NCKAP5: variants seen among roughly 807,000 people sequenced by gnomAD.
NCKAP5 encodes NCK associated protein 5.
In NCKAP5, 92 loss-of-function variants were observed where a neutral mutation model predicts 167.0. The observed-to-expected ratio is 0.55, with a 90% CI of 0.47 to 0.66. The LOEUF (loss-of-function observed/expected upper bound fraction) is 0.66. NCKAP5 is among the 30% of genes least tolerant of loss of function. NCKAP5 has a pLI of 0.00. For missense variants in NCKAP5, 2,378 were observed against 2,315.0 expected (o/e 1.03, Z -0.56); for synonymous variants, 891 against 877.4 (o/e 1.02, Z -0.27).
chr2:133,404,706 T>C (rs1688315046), intron 3 of NCKAP5, among the ~76,000 whole-genome samples: 1 of 152,244 alleles, frequency 6.6e-6, no homozygotes, highest in South Asian at 2.1e-4. Context: ...TTGTGTTATA[T>C]CAGGGAAAAT....
intron 6 of NCKAP5, among the ~76,000 whole-genome samples, chr2:133,026,278 C>A (rs1457569559): frequency 1.3e-5 from 2 of 151,786 alleles, no homozygotes; most frequent in African/African-American, 4.8e-5. Flanking sequence ...CAAAAATTTT[C>A]TCCCATTCTG....
intron 7 of NCKAP5, among the ~76,000 whole-genome samples, chr2:132,970,683 T>A (rs10451527): frequency 0.3 from 46,316 of 152,070 alleles, 7,164 homozygotes; most frequent in African/African-American, 0.35. Context: ...TTTCCCTAAG[T>A]GGTATCTAGG....
intron 16 of NCKAP5, among the ~76,000 whole-genome samples, chr2:132,743,890 T>C (rs1679420047): frequency 6.6e-6 from 1 of 151,300 alleles, no homozygotes; most frequent in Non-Finnish European, 1.5e-5. Flanking sequence ...AAAGCTAGAG[T>C]CACTATGCTA....
At chr2:133,661,152 G>T in the NCKAP5 span, among the ~76,000 whole-genome samples, 1 of 152,096 alleles carries the variant, frequency 6.6e-6, no homozygotes. Context: ...AAATGACGAG[G>T]ATTGATGAGG....
chr2:133,302,804 T>A (rs28708750), intron 4 of NCKAP5, among the ~76,000 whole-genome samples: 17,978 of 149,242 alleles, frequency 0.12, 1,111 homozygotes, highest in South Asian at 0.14. Context: ...ATAAAAAAAA[T>A]AAATAAATAA....
intron 3 of NCKAP5, among the ~76,000 whole-genome samples, chr2:133,478,854 C>T (rs1279418679): frequency 6.6e-6 from 1 of 151,862 alleles, no homozygotes; most frequent in Non-Finnish European, 1.5e-5. Context: ...ATGCTGGGGA[C>T]AGTGACAAAA....
chr2:132,821,773 A>G (rs1261052482), intron 11 of NCKAP5, among the ~76,000 whole-genome samples: 1 of 152,080 alleles, frequency 6.6e-6, no homozygotes, highest in East Asian at 1.9e-4. Context: ...GGTGAACTAT[A>G]TAACACAGCA....
At chr2:133,666,427 A>G in the NCKAP5 span, among the ~76,000 whole-genome samples, 1 of 151,508 alleles carries the variant, frequency 6.6e-6, no homozygotes, top group Non-Finnish European at 1.5e-5. Flanking sequence ...CAAACTCCTG[A>G]CCTCAGGTGA....
At chr2:133,350,636 C>A (rs1684297630) in intron 3 of NCKAP5, among the ~76,000 whole-genome samples, 2 of 152,036 alleles carry the variant, frequency 1.3e-5, no homozygotes, top group African/African-American at 4.8e-5. Context: ...ATGTCAGCAC[C>A]CTCAAAATTG....
At chr2:133,375,039 G>A (rs1435761377) in intron 3 of NCKAP5, among the ~76,000 whole-genome samples, 1 of 152,128 alleles carries the variant, frequency 6.6e-6, no homozygotes, top group Non-Finnish European at 1.5e-5. Flanking sequence ...TCTTACAATG[G>A]GGAAGCACTG....
intron 4 of NCKAP5, among the ~76,000 whole-genome samples, chr2:133,294,392 G>A (rs898197099): frequency 4.6e-5 from 7 of 152,164 alleles, no homozygotes; most frequent in Admixed American, 3.3e-4. Flanking sequence ...ATACACAGAA[G>A]GTACATCTTC....
intron 11 of NCKAP5, among the ~76,000 whole-genome samples, chr2:132,853,981 C>G (rs1408944012): frequency 6.6e-6 from 1 of 152,166 alleles, no homozygotes; most frequent in Non-Finnish European, 1.5e-5. Flanking sequence ...ATTTGTGAAA[C>G]CACCTCCCTG....
At chr2:133,519,784 C>T (rs530956595) in intron 2 of NCKAP5, among the ~76,000 whole-genome samples, 6 of 152,250 alleles carry the variant, frequency 3.9e-5, no homozygotes, top group South Asian at 2.1e-4. Context: ...ACAAAGTCCC[C>T]GCCTTTGTGG....
intron 6 of NCKAP5, among the ~76,000 whole-genome samples, chr2:133,019,683 G>A (rs2078459347): frequency 1.3e-5 from 2 of 152,178 alleles, no homozygotes; most frequent in Admixed American, 1.3e-4. Context: ...TGCATTGGAT[G>A]TATCTAATCA....
chr2:132,687,746 CACACACACA>C (rs1558922255), intron 19 of NCKAP5, among the ~76,000 whole-genome samples: 1 of 151,028 alleles, frequency 6.6e-6, no homozygotes, highest in African/African-American at 2.5e-5. Context: ...CACACACACA[CACACACACA>C]CCCTTCCTCT....
chr2:133,458,738 C>A (rs1489351200), intron 3 of NCKAP5, among the ~76,000 whole-genome samples: 1 of 152,030 alleles, frequency 6.6e-6, no homozygotes, highest in Non-Finnish European at 1.5e-5. Context: ...AGAGGAGGAT[C>A]TGGGTGGCAG....
At chr2:133,376,234 AC>A (rs754691383) in intron 3 of NCKAP5, among the ~76,000 whole-genome samples, 2 of 152,194 alleles carry the variant, frequency 1.3e-5, no homozygotes, top group South Asian at 4.1e-4. Context: ...AAATTAATAC[AC>A]TTATGAAGAC....
At chr2:133,069,457 C>T (rs1480689506) in intron 6 of NCKAP5, among the ~76,000 whole-genome samples, 1 of 152,112 alleles carries the variant, frequency 6.6e-6, no homozygotes, top group African/African-American at 2.4e-5. Context: ...CGGACTTTCC[C>T]CTCTCATTTT....
At chr2:133,638,598 G>A in the NCKAP5 span, among the ~76,000 whole-genome samples, 1 of 152,142 alleles carries the variant, frequency 6.6e-6, no homozygotes, top group Non-Finnish European at 1.5e-5. Flanking sequence ...AGTGGCTCAC[G>A]CCTATAATCC....
Sources: allele counts gnomAD v4.1 joint callset (sites outside exome capture counted in the v4.1 genomes callset), GRCh38; gene constraint gnomAD v4.1.1; transcripts MANE v1.5; gene names NCBI Gene and HGNC (gene_info 2026-07-23, HGNC 2026-07-21).